The following MARCHF10 variants were observed in gnomAD, a reference collection of about 807,000 sequenced individuals.
MARCHF10 encodes the protein membrane associated ring-CH-type finger 10.
A neutral mutation model predicts 76.2 loss-of-function variants in MARCHF10; 64 were observed. The observed-to-expected ratio is 0.84, with a 90% CI of 0.69 to 1.03. The LOEUF (loss-of-function observed/expected upper bound fraction) is 1.03. MARCHF10 is among the 50% of genes least tolerant of loss of function. The pLI is 0.00. For synonymous variants in MARCHF10, 340 were observed against 357.5 expected (o/e 0.95, Z 0.55); for missense variants, 875 against 958.0 (o/e 0.91, Z 1.14).
intron 3 of MARCHF10, among the ~76,000 whole-genome samples, chr17:62,787,058 C>G (rs1466764500): frequency 6.6e-6 from 1 of 152,066 alleles, no homozygotes; most frequent in Non-Finnish European, 1.5e-5. Flanking sequence ...TTGGATAAAT[C>G]TCACTCCTTA....
rs540545136 is a variant in MARCHF10, at chr17:62,782,591, G to A, written c.210+5889C>T. ...TTGAATTCCTGACCTTGTGATCGCCGGCCTTGGACTCCCAAAGTGCTGGGA... is the reference window on the plus strand; with the variant it reads ...TTGAATTCCTGACCTTGTGATCGCCAGCCTTGGACTCCCAAAGTGCTGGGA... On this transcript the variant is annotated intron_variant, in intron 3 of 10. Transcript: ENST00000311269. 1.3e-3 allele frequency among the ~76,000 whole-genome samples: 204 copies of A among 151,902 alleles called. 1 individual carries two copies. Among genetic ancestry groups the A allele is most frequent in the South Asian group, 9.4e-3 (45 of 4,790 alleles).
intron 4 of MARCHF10, among the ~76,000 whole-genome samples, chr17:62,745,104 T>C (rs1484637025): frequency 2.0e-5 from 3 of 151,518 alleles, no homozygotes; most frequent in Admixed American, 1.3e-4. Flanking sequence ...TTTGTCTTTT[T>C]TTCTTTTTTT....
intron 3 of MARCHF10, among the ~76,000 whole-genome samples, chr17:62,778,423 T>C (rs1386944661): frequency 6.6e-6 from 1 of 152,012 alleles, no homozygotes; most frequent in Admixed American, 6.6e-5. Context: ...AGACTGCCTG[T>C]AAGGGGAAAA....
chr17:62,719,764 C>T (rs963675458), intron 8 of MARCHF10, among the ~76,000 whole-genome samples: 4 of 152,118 alleles, frequency 2.6e-5, no homozygotes, highest in African/African-American at 9.7e-5. Context: ...GTTCCTTTCT[C>T]TCTTTATTCT....
At chr17:62,803,359 G>T (rs964418033) in intron 1 of MARCHF10, among the ~76,000 whole-genome samples, 1 of 152,096 alleles carries the variant, frequency 6.6e-6, no homozygotes, top group Non-Finnish European at 1.5e-5. Flanking sequence ...TGGGGTGGGG[G>T]TGATGGTGGT....
At position 62,757,028 on chromosome 17, in the gene MARCHF10, A is replaced by G. The variant is rs1257958252; in HGVS notation, c.382+2807T>C. ...CCTATATTTTAAATAGTTGTTTTGGAGGTTCTAGATGGCAGATTACATACA... is the reference window on the plus strand; with the variant it reads ...CCTATATTTTAAATAGTTGTTTTGGGGGTTCTAGATGGCAGATTACATACA... On this transcript the variant is annotated intron_variant, in intron 4 of 10. Transcript: ENST00000311269. Among the ~76,000 whole-genome samples, 3 of 152,150 alleles carry G rather than the reference A, an allele frequency of 2.0e-5. No homozygotes were observed. The East Asian group carries it at 5.8e-4, about 29-fold the overall frequency.
intron 2 of MARCHF10, chr17:62,794,934 A>G: frequency 2.6e-6 from 2 of 779,976 alleles, no homozygotes; most frequent in Non-Finnish European, 3.1e-6. Context: ...TCAAGAAATC[A>G]AAGGCATAAA....
rs1176378101 is a variant in MARCHF10 at position 62,722,609 on chromosome 17, TA to T, written c.2105-13del. On this transcript the variant is annotated splice_polypyrimidine_tract_variant and intron_variant, in intron 7 of 10. Transcript: ENST00000311269. ...ACCAAGATCTGCTCCTTAAATTGGA[TA>T]AAGAATTATATGTACATATAACCAT... 1.2e-6 allele frequency: 2 copies of T among 1,604,286 alleles called. No individual in the cohort carries two copies. The highest frequency in any genetic ancestry group is 1.7e-6 in the Non-Finnish European group (2 of 1,173,404).
chr17:62,702,404 C>G, intron 10 of MARCHF10, among the ~76,000 whole-genome samples: 1 of 145,468 alleles, frequency 6.9e-6, no homozygotes, highest in East Asian at 2.0e-4. Context: ...AATCCCAGCG[C>G]TTTGGAAGGC....
chr17:62,800,727 C>T (rs74316970), intron 2 of MARCHF10, among the ~76,000 whole-genome samples: 1 of 152,178 alleles, frequency 6.6e-6, no homozygotes. Context: ...GGTCCCACCT[C>T]TGGTGGGATG....
At chr17:62,787,324 T>C (rs1012213085) in intron 3 of MARCHF10, among the ~76,000 whole-genome samples, 7 of 152,088 alleles carry the variant, frequency 4.6e-5, no homozygotes, top group African/African-American at 1.7e-4. Flanking sequence ...AGTGTGAACA[T>C]CCTAGATTAA....
chr17:62,734,699 C>T (rs2091187145), intron 6 of MARCHF10, among the ~76,000 whole-genome samples: 1 of 151,930 alleles, frequency 6.6e-6, no homozygotes, highest in African/African-American at 2.4e-5. Flanking sequence ...TTTAATATTT[C>T]CCAAAAGGAA....
intron 9 of MARCHF10, among the ~76,000 whole-genome samples, chr17:62,707,117 C>T (rs547134095): frequency 4.6e-5 from 7 of 152,330 alleles, no homozygotes; most frequent in African/African-American, 7.2e-5. Context: ...TACCCCGTGC[C>T]ATTGCAGCAG....
intron 2 of MARCHF10, 43 bp from the exon 3 acceptor site, chr17:62,788,642 C>G: frequency 6.2e-7 from 1 of 1,610,954 alleles, no homozygotes; most frequent in South Asian, 1.1e-5. Flanking sequence ...AGGACCATGG[C>G]AAGCTTGGGT....
At position 62,735,977 on chromosome 17, in the gene MARCHF10, T is replaced by C. The variant is rs774894991; in HGVS notation, c.1891A>G (p.Ser631Gly). ...ASGFTDEKET[S>G]KIKADPEKLK... ...TTCTCAGGGTCTGCCTTTATCTTAC[T>C]GGTTTCCTTTTCATCTGTGAAACCA... The change falls in exon 6 of 11, where the codon AGT (serine) becomes GGT (glycine). Residue 631 changes from serine (S) to glycine (G), a missense_variant. By Grantham distance (56) the Ser-to-Gly change is moderately conservative. Transcript: ENST00000311269. The C allele has an allele frequency of 3.1e-6, 5 of 1,613,592 alleles. No individual in the cohort carries two copies. The Admixed American group carries it at 8.4e-5, about 27-fold the overall frequency.
intron 1 of MARCHF10, among the ~76,000 whole-genome samples, chr17:62,807,679 C>G (rs1398673070): frequency 6.6e-6 from 1 of 152,064 alleles, no homozygotes; most frequent in Non-Finnish European, 1.5e-5. Flanking sequence ...GGGAGGATCG[C>G]TTGAGCCTGG....
intron 9 of MARCHF10, among the ~76,000 whole-genome samples, chr17:62,705,957 G>A (rs1165681556): frequency 6.6e-6 from 1 of 152,248 alleles, no homozygotes; most frequent in Non-Finnish European, 1.5e-5. Flanking sequence ...CACTGGCTTT[G>A]AAACAATCGC....
chr17:62,713,686 G>C (rs1474353914), intron 8 of MARCHF10, among the ~76,000 whole-genome samples: 1 of 152,214 alleles, frequency 6.6e-6, no homozygotes, highest in African/African-American at 2.4e-5. Context: ...TGGCTGGCCA[G>C]GGCCAAATGA....
At chr17:62,717,680 C>T (rs2090283965) in intron 8 of MARCHF10, among the ~76,000 whole-genome samples, 1 of 152,226 alleles carries the variant, frequency 6.6e-6, no homozygotes, top group Admixed American at 6.5e-5. Context: ...AGGCCACAGG[C>T]TGCTGGTGGC....
Sources: gnomAD v4.1 joint callset for allele counts (sites outside exome capture counted in the v4.1 genomes callset) on GRCh38, gnomAD v4.1.1 for gene constraint, MANE v1.5 for transcripts, NCBI Gene and HGNC (gene_info 2026-07-23, HGNC 2026-07-21) for gene names.